Variants in NUDT3 observed in about 807,000 individuals in gnomAD.
NUDT3 encodes the protein diphosphoinositol polyphosphate phosphohydrolase 1.
In NUDT3, 9 loss-of-function variants were observed where a neutral mutation model predicts 23.6. The observed-to-expected ratio is 0.38, with a 90% CI of 0.23 to 0.66. The LOEUF (loss-of-function observed/expected upper bound fraction) is 0.66. Ranked by LOEUF, NUDT3 falls within the 30% of genes least tolerant of loss-of-function variation. The probability of loss-of-function intolerance (pLI) is 0.52; values close to 1 mark genes in which losing one functional copy is unlikely to be tolerated. For synonymous variants in NUDT3, 86 were observed against 82.6 expected (o/e 1.04, Z -0.22); for missense variants, 172 against 218.5 (o/e 0.79, Z 1.34).
rs1317338380 is a variant in NUDT3, at chr6:34,310,012, T to C, written c.211-14327A>G. Among the ~76,000 whole-genome samples the C allele has an allele frequency of 2.0e-5, 3 of 151,320 alleles. No individual in the cohort carries two copies. The East Asian group carries it at 5.9e-4, about 30-fold the overall frequency. ...CTTTGGGACGCTGAGGTGGGAGGAC[T>C]GCTTGAGGCCAGAAGTTTGAGACAA... On this transcript the variant is annotated intron_variant, in intron 2 of 4. Coordinates refer to ENST00000607016, the MANE Select transcript of NUDT3 (RefSeq NM_006703.4).
chr6:34,371,652 A>G (rs1764831905), intron 1 of NUDT3, among the ~76,000 whole-genome samples: 1 of 152,224 alleles, frequency 6.6e-6, no homozygotes, highest in Non-Finnish European at 1.5e-5. Flanking sequence ...AGAGAATCAC[A>G]CTAATTCTTA....
At chr6:34,376,525 C>T (rs1764925552) in intron 1 of NUDT3, among the ~76,000 whole-genome samples, 1 of 152,184 alleles carries the variant, frequency 6.6e-6, no homozygotes. Context: ...GATTCTCCTG[C>T]TTCCGCCTCC....
intron 3 of NUDT3, among the ~76,000 whole-genome samples, chr6:34,294,743 T>C (rs931241012): frequency 2.6e-5 from 4 of 152,004 alleles, no homozygotes; most frequent in African/African-American, 4.8e-5. Flanking sequence ...AAAAAAAGAT[T>C]TATTTACATA....
intron 1 of NUDT3, among the ~76,000 whole-genome samples, chr6:34,369,276 G>A (rs1764791416): frequency 6.6e-6 from 1 of 151,964 alleles, no homozygotes; most frequent in South Asian, 2.1e-4. Context: ...TATTTACTGG[G>A]GGTTAAGTTA....
At chr6:34,314,721 C>A (rs1393578529) in intron 2 of NUDT3, among the ~76,000 whole-genome samples, 2 of 152,052 alleles carry the variant, frequency 1.3e-5, no homozygotes, top group African/African-American at 4.8e-5. Context: ...AAGCCCAGGG[C>A]TTTGGGAGAC....
intron 1 of NUDT3, among the ~76,000 whole-genome samples, chr6:34,363,963 G>C (rs1056923864): frequency 2.0e-5 from 3 of 152,054 alleles, no homozygotes; most frequent in African/African-American, 7.2e-5. Flanking sequence ...AGTAGAGACA[G>C]GGTTTCACCA....
chr6:34,367,081 A>T (rs1164540881), intron 1 of NUDT3, among the ~76,000 whole-genome samples: 1 of 151,876 alleles, frequency 6.6e-6, no homozygotes. Context: ...TAGAGCCAGG[A>T]TTTTGCTATG....
intron 1 of NUDT3, among the ~76,000 whole-genome samples, chr6:34,386,440 C>T (rs902610255): frequency 6.6e-6 from 1 of 152,198 alleles, no homozygotes; most frequent in Non-Finnish European, 1.5e-5. Context: ...AAGCTCCCTG[C>T]ATGTCTGTCT....
intron 1 of NUDT3, among the ~76,000 whole-genome samples, chr6:34,345,479 C>T (rs1210038938): frequency 4.6e-5 from 7 of 150,594 alleles, no homozygotes; most frequent in East Asian, 2.1e-4. Context: ...CTGGCTAACA[C>T]GGTGAAACCC....
chr6:34,389,798 C>A (rs1765165927), intron 1 of NUDT3, among the ~76,000 whole-genome samples: 2 of 152,056 alleles, frequency 1.3e-5, no homozygotes, highest in African/African-American at 4.8e-5. Flanking sequence ...CCCATCTCTA[C>A]TAAAAATACA....
intron 1 of NUDT3, 94 bp from the exon 2 acceptor site, chr6:34,342,066 C>T: frequency 7.2e-6 from 8 of 1,105,996 alleles, no homozygotes; most frequent in Non-Finnish European, 1.0e-5. Flanking sequence ...TCAAAGTAAC[C>T]AAGACCCATT....
In NUDT3 at chr6:34,293,340, G is replaced by A. The variant is rs1763451370; in HGVS notation, c.340+111C>T. On this transcript the variant is annotated intron_variant, in intron 4 of 4. Transcript: ENST00000607016. ...GCCTTCCAAAGTACTGGGGTTATAGGTGTGAGCCACTGAGCCTGGTACGCT... is the reference window on the plus strand; with the variant it reads ...GCCTTCCAAAGTACTGGGGTTATAGATGTGAGCCACTGAGCCTGGTACGCT... The A allele has an allele frequency of 2.4e-5, 31 of 1,268,992 alleles. No individual in the cohort carries two copies. In the South Asian group the frequency reaches 3.9e-4, roughly 16 times the overall value. 78.6% of individuals were successfully genotyped at this position (1,268,992 alleles called of 1,614,324 possible).
chr6:34,347,429 C>G (rs1350761480), intron 1 of NUDT3, among the ~76,000 whole-genome samples: 2 of 151,276 alleles, frequency 1.3e-5, no homozygotes, highest in Non-Finnish European at 2.9e-5. Context: ...GATAGAGAGA[C>G]CCACAGAACA....
chr6:34,294,704 TG>T (rs1335560012), intron 3 of NUDT3, among the ~76,000 whole-genome samples: 1 of 151,352 alleles, frequency 6.6e-6, no homozygotes, highest in East Asian at 2.0e-4. Flanking sequence ...CCAGCCTGGG[TG>T]ACAGAGCAAG....
At position 34,390,822 on chromosome 6, in the gene NUDT3, A is replaced by G. The variant is rs1374505512; in HGVS notation, c.99+1442T>C. Among the ~76,000 whole-genome samples the G allele has an allele frequency of 2.0e-5, 3 of 152,186 alleles. No individual in the cohort carries two copies. The South Asian group carries it at 6.2e-4, about 31-fold the overall frequency. ...AGCCTGTGATCCCATCTGATTTCCC[A>G]TAACATGATATGATAATGAGGAGAA... is the stretch of plus-strand genomic sequence containing the variant. On this transcript the variant is annotated intron_variant, in intron 1 of 4. Coordinates refer to ENST00000607016, the MANE Select transcript of NUDT3 (RefSeq NM_006703.4).
chr6:34,359,150 G>A (rs1764607952), intron 1 of NUDT3, among the ~76,000 whole-genome samples: 1 of 152,186 alleles, frequency 6.6e-6, no homozygotes, highest in Non-Finnish European at 1.5e-5. Flanking sequence ...GAGGTGGGCA[G>A]ATCACAAGGT....
At chr6:34,292,125 C>T (rs1370470945) in intron 4 of NUDT3, among the ~76,000 whole-genome samples, 1 of 152,192 alleles carries the variant, frequency 6.6e-6, no homozygotes, top group African/African-American at 2.4e-5. Context: ...GATAGGGCCA[C>T]ACCACACATC....
At chr6:34,360,780 C>T (rs76920951) in intron 1 of NUDT3, among the ~76,000 whole-genome samples, 2 of 151,738 alleles carry the variant, frequency 1.3e-5, no homozygotes, top group Non-Finnish European at 2.9e-5. Context: ...TGAGAAGACA[C>T]AAGCCACAAG....
intron 1 of NUDT3, among the ~76,000 whole-genome samples, chr6:34,363,436 G>A (rs766369381): frequency 6.6e-5 from 10 of 152,132 alleles, no homozygotes; most frequent in South Asian, 4.1e-4. Context: ...CTCATCCACC[G>A]CAGCACTGAA....
Sources: gnomAD v4.1 joint callset for allele counts (sites outside exome capture counted in the v4.1 genomes callset) on GRCh38, gnomAD v4.1.1 for gene constraint, MANE v1.5 for transcripts, NCBI Gene and HGNC (gene_info 2026-07-23, HGNC 2026-07-21) for gene names.